PRR5: variants seen among roughly 807,000 people sequenced by gnomAD.
The protein encoded by PRR5 is proline-rich protein 5.
PRR5 carries 25 observed loss-of-function variants against 30.6 expected under a neutral mutation model. The observed-to-expected ratio is 0.82, with a 90% confidence interval of 0.60 to 1.14. The LOEUF (loss-of-function observed/expected upper bound fraction) is 1.14. PRR5 is among the 50% of genes most tolerant of loss of function. The probability of loss-of-function intolerance (pLI) is 0.00; values close to 1 mark genes in which losing one functional copy is unlikely to be tolerated. For missense variants in PRR5, 600 were observed against 547.1 expected (o/e 1.10, Z -0.96); for synonymous variants, 286 against 247.1 (o/e 1.16, Z -1.48).
At chr22:44,687,663 G>C (rs956717946) in intron 1 of PRR5, among the ~76,000 whole-genome samples, 5 of 152,192 alleles carry the variant, frequency 3.3e-5, no homozygotes, top group Admixed American at 6.5e-5. Flanking sequence ...CCAGCATCCT[G>C]CTTGCTCCGC....
Position 44,714,588 on chromosome 22 carries a change from C to T in PRR5, c.135-3C>T, listed in dbSNP as rs1194318102. The T allele has an allele frequency of 5.0e-6, 8 of 1,612,812 alleles. No homozygotes were observed. Among genetic ancestry groups the T allele is most frequent in the African/African-American group, 1.3e-5 (1 of 74,940 alleles). On this transcript the variant is annotated splice_region_variant and splice_polypyrimidine_tract_variant and intron_variant, in intron 1 of 7. Coordinates refer to ENST00000336985, the MANE Select transcript of PRR5 (RefSeq NM_181333.4). ...TGCAGTGTTTTCTTCCCTCTGCCCC[C>T]AGCATCCACAACGGGGTGATCGCCG...
chr22:44,705,327 A>C (rs1197529021), intron 1 of PRR5, among the ~76,000 whole-genome samples: 2 of 150,476 alleles, frequency 1.3e-5, no homozygotes, highest in African/African-American at 2.5e-5. Flanking sequence ...CTCTCTCTCT[A>C]TTTTTTTTCC....
At chr22:44,708,337 G>A (rs906511442) in intron 1 of PRR5, among the ~76,000 whole-genome samples, 11 of 152,168 alleles carry the variant, frequency 7.2e-5, no homozygotes, top group African/African-American at 2.7e-4. Flanking sequence ...TGACACATGT[G>A]GGTTCATGTC....
Position 44,736,931 on chromosome 22 carries a change from C to G in PRR5, c.851C>G (p.Ser284Trp). The G allele has an allele frequency of 6.2e-7, 1 of 1,607,254 alleles. No individual in the cohort carries two copies. Among genetic ancestry groups the G allele is most frequent in the African/African-American group, 1.3e-5 (1 of 75,018 alleles). ...GGTSIRRHSV[S>W]EMTSCPEPQG... is the part of the protein sequence containing the mutation. ...ACCAGCATCCGCAGGCACTCTGTGTCGGAGATGACGTCCTGCCCCGAGCCT... is the reference window on the plus strand; with the variant it reads ...ACCAGCATCCGCAGGCACTCTGTGTGGGAGATGACGTCCTGCCCCGAGCCT... Residue 284 changes from serine to tryptophan, a missense_variant, in exon 8 of 8, where the codon TCG becomes TGG. Coordinates refer to ENST00000336985, the MANE Select transcript of PRR5 (RefSeq NM_181333.4).
In PRR5 at chr22:44,680,908, G is replaced by A. The variant is rs551978361; in HGVS notation, c.-11+3668G>A. On this transcript the variant is annotated intron_variant, in intron 1 of 8. Transcript: ENST00000006251. Reference sequence around the variant, plus strand: ...AGGGCAGACCTGGGGCACAGGCTGCGGGACCCGGACAGAGCAGGGTCGGAC... The same window carrying A: ...AGGGCAGACCTGGGGCACAGGCTGCAGGACCCGGACAGAGCAGGGTCGGAC... 2.0e-5 allele frequency among the ~76,000 whole-genome samples: 3 copies of A among 152,308 alleles called. No homozygotes were observed. The East Asian group carries it at 5.8e-4, about 29-fold the overall frequency.
At chr22:44,733,548 T>C (rs539454128) in intron 6 of PRR5, among the ~76,000 whole-genome samples, 2 of 152,106 alleles carry the variant, frequency 1.3e-5, no homozygotes, top group African/African-American at 2.4e-5. Context: ...GGGTGGAAGT[T>C]GAGAGAGTTT....
chr22:44,729,559 G>C, intron 4 of PRR5: 1 of 985,404 alleles, frequency 1.0e-6, no homozygotes, highest in Non-Finnish European at 1.2e-6. Context: ...CCCACGTGGG[G>C]ACGTGTATCA....
chr22:44,710,289 C>G (rs1459525649), intron 1 of PRR5, among the ~76,000 whole-genome samples: 1 of 152,090 alleles, frequency 6.6e-6, no homozygotes, highest in Non-Finnish European at 1.5e-5. Flanking sequence ...ACCTGCACCC[C>G]CCCCCCAGCG....
At chr22:44,734,812 C>T (rs1346896854) in intron 6 of PRR5, 4 of 643,224 alleles carry the variant, frequency 6.2e-6, no homozygotes, top group Admixed American at 3.0e-5. Context: ...TCCCAGATCC[C>T]GACGCTGCTG....
chr22:44,682,315 T>C (rs1174610923), intron 1 of PRR5, among the ~76,000 whole-genome samples: 1 of 151,890 alleles, frequency 6.6e-6, no homozygotes, highest in African/African-American at 2.4e-5. Context: ...ATACAGGGGA[T>C]GCCATAGGCA....
intron 2 of PRR5, among the ~76,000 whole-genome samples, chr22:44,714,942 A>AG (rs1217144705): frequency 6.6e-6 from 1 of 152,222 alleles, no homozygotes; most frequent in Non-Finnish European, 1.5e-5. Flanking sequence ...AAGTTCTTCA[A>AG]GGGGAAGCAG....
At chr22:44,724,996 C>G (rs1203661764) in intron 2 of PRR5, among the ~76,000 whole-genome samples, 3 of 152,186 alleles carry the variant, frequency 2.0e-5, no homozygotes, top group Non-Finnish European at 4.4e-5. Flanking sequence ...CCCTTGGCTT[C>G]CTCTGCTATG....
At position 44,735,149 on chromosome 22, in the gene PRR5, T is replaced by C. The variant is rs1602105467; in HGVS notation, c.678T>C (p.His226=). The change falls in exon 7 of 8, where the codon CAT becomes CAC. Residue 226 remains histidine, a synonymous_variant. Coordinates refer to ENST00000336985, the MANE Select transcript of PRR5 (RefSeq NM_181333.4). ...GLHSSEGPFT[H]SCILEKRLLR... ...ACTCCAGCGAGGGGCCCTTCACCCA[T>C]TCCTGCATCCTGGGTAGGGGTCCGC... 6.2e-7 allele frequency: 1 copy of C among 1,612,784 alleles called. No homozygotes were observed. Among genetic ancestry groups the C allele is most frequent in the Non-Finnish European group, 8.5e-7 (1 of 1,179,782 alleles).
At chr22:44,699,068 A>G (rs1601980174), upstream of PRR5, among the ~76,000 whole-genome samples, 1 of 152,148 alleles carries the variant, frequency 6.6e-6, no homozygotes, top group Non-Finnish European at 1.5e-5. Context: ...GGGGCCAGGG[A>G]GAGGTTATAG....
At chr22:44,726,884 CT>C (rs1920971644) in intron 4 of PRR5, among the ~76,000 whole-genome samples, 1 of 152,174 alleles carries the variant, frequency 6.6e-6, no homozygotes, top group Admixed American at 6.5e-5. Context: ...GAAAAGCCCC[CT>C]GCTTCCCCTC....
At chr22:44,695,923 C>CTTTTTTTTTTTTTTT (rs79228617) in intron 1 of PRR5, among the ~76,000 whole-genome samples, 1 of 73,344 alleles carries the variant, frequency 1.4e-5, no homozygotes, top group Non-Finnish European at 2.4e-5. Flanking sequence ...ATTCTGACAA[C>CTTTTTTTTTTTTTTT]TTTTTTTTTT....
chr22:44,700,669 A>C (rs1214521594), upstream of PRR5, among the ~76,000 whole-genome samples: 1 of 152,174 alleles, frequency 6.6e-6, no homozygotes, highest in African/African-American at 2.4e-5. Flanking sequence ...TAGTTTATAA[A>C]GCACCTGTTG....
intron 1 of PRR5, among the ~76,000 whole-genome samples, chr22:44,713,617 T>C (rs1369827626): frequency 1.3e-5 from 2 of 151,576 alleles, no homozygotes; most frequent in African/African-American, 4.9e-5. Context: ...CCTCCTGCCT[T>C]GGCCTCCCAG....
chr22:44,718,791 T>C (rs1212398194), intron 2 of PRR5, among the ~76,000 whole-genome samples: 2 of 152,218 alleles, frequency 1.3e-5, no homozygotes, highest in African/African-American at 2.4e-5. Flanking sequence ...CATTTAGATA[T>C]CTTCTTTGGA....
Sources: allele counts gnomAD v4.1 joint callset (sites outside exome capture counted in the v4.1 genomes callset), GRCh38; gene constraint gnomAD v4.1.1; transcripts MANE v1.5; gene names NCBI Gene and HGNC (gene_info 2026-07-23, HGNC 2026-07-21).